STK39: variants seen among roughly 807,000 people sequenced by gnomAD.
STK39 encodes the protein serine/threonine kinase 39.
Under a neutral mutation model 77.8 loss-of-function variants are expected in STK39, and 20 were observed. The observed-to-expected ratio is 0.26, with a 90% CI of 0.18 to 0.37. The LOEUF is 0.37. Among genes scored for constraint, STK39 ranks in the 10% least tolerant of loss-of-function variants. The pLI is 1.00. For synonymous variants in STK39, 246 were observed against 234.1 expected, an observed-to-expected ratio of 1.05 and a Z score of -0.47; for missense variants, 479 against 656.5, an observed-to-expected ratio of 0.73 and a Z score of 2.95.
chr2:168,160,711 G>C (rs1688547433), intron 5 of STK39, among the ~76,000 whole-genome samples: 1 of 152,296 alleles, frequency 6.6e-6, no homozygotes, highest in Non-Finnish European at 1.5e-5. Flanking sequence ...GCTGACACCA[G>C]AGCCTGCACT....
chr2:168,150,644 A>T (rs1688255242), intron 5 of STK39, among the ~76,000 whole-genome samples: 1 of 151,862 alleles, frequency 6.6e-6, no homozygotes, highest in Non-Finnish European at 1.5e-5. Context: ...TGTAAGGGTG[A>T]TATCAGGTTG....
chr2:168,203,736 G>A (rs915850455), intron 1 of STK39, among the ~76,000 whole-genome samples: 1 of 152,226 alleles, frequency 6.6e-6, no homozygotes, highest in East Asian at 1.9e-4. Context: ...GGGACTACAG[G>A]AGCCAGCCAC....
At chr2:168,082,096 A>T (rs563866159) in intron 10 of STK39, among the ~76,000 whole-genome samples, 2 of 152,172 alleles carry the variant, frequency 1.3e-5, no homozygotes. Flanking sequence ...TGCTGTGTGC[A>T]AAGACAATGG....
intron 5 of STK39, among the ~76,000 whole-genome samples, chr2:168,151,034 G>A (rs1335601947): frequency 6.6e-6 from 1 of 152,044 alleles, no homozygotes; most frequent in Non-Finnish European, 1.5e-5. Context: ...TATATGCCAT[G>A]GGCCCCAACC....
intron 14 of STK39, among the ~76,000 whole-genome samples, chr2:168,044,581 A>C (rs999559715): frequency 6.6e-6 from 1 of 152,226 alleles, no homozygotes; most frequent in Non-Finnish European, 1.5e-5. Context: ...AACAGGAAGG[A>C]AAGTATAAAA....
At chr2:168,086,770 G>C (rs1030805857) in intron 10 of STK39, among the ~76,000 whole-genome samples, 5 of 152,122 alleles carry the variant, frequency 3.3e-5, no homozygotes, top group African/African-American at 1.2e-4. Context: ...CTGTAACTTT[G>C]GAAACCCAAC....
chr2:168,009,601 A>C (rs1175659653), intron 16 of STK39, among the ~76,000 whole-genome samples: 2 of 152,198 alleles, frequency 1.3e-5, no homozygotes, highest in Non-Finnish European at 2.9e-5. Context: ...ATAGTGATTA[A>C]AACAACCTGT....
At chr2:168,195,431 C>T (rs1482052052) in intron 1 of STK39, among the ~76,000 whole-genome samples, 1 of 152,024 alleles carries the variant, frequency 6.6e-6, no homozygotes, top group Non-Finnish European at 1.5e-5. Context: ...AGTTACCTAC[C>T]ATTGATTTGC....
chr2:168,187,091 G>A (rs1264632269), intron 1 of STK39, among the ~76,000 whole-genome samples: 3 of 152,124 alleles, frequency 2.0e-5, no homozygotes, highest in East Asian at 1.9e-4. Flanking sequence ...GGTGGCTCAC[G>A]CCTGTAATCC....
At chr2:168,018,564 AAG>A (rs1042770894) in intron 14 of STK39, among the ~76,000 whole-genome samples, 21 of 148,590 alleles carry the variant, frequency 1.4e-4, no homozygotes, top group African/African-American at 5.2e-4. Context: ...GAAAGAAAGA[AAG>A]AAAGAAAGAA....
chr2:168,208,415 G>A (rs1382412288), intron 1 of STK39, among the ~76,000 whole-genome samples: 1 of 152,238 alleles, frequency 6.6e-6, no homozygotes, highest in Non-Finnish European at 1.5e-5. Context: ...CAGTGGCTAC[G>A]ACTATCCTTA....
chr2:168,090,932 A>G (rs1686504082), intron 10 of STK39, among the ~76,000 whole-genome samples: 1 of 152,142 alleles, frequency 6.6e-6, no homozygotes, highest in Non-Finnish European at 1.5e-5. Context: ...ATGGTTCTAA[A>G]CGCCAAATAA....
At chr2:168,148,027 A>G (rs1688187361) in intron 5 of STK39, among the ~76,000 whole-genome samples, 1 of 152,184 alleles carries the variant, frequency 6.6e-6, no homozygotes, top group Admixed American at 6.5e-5. Flanking sequence ...CCTCCAGGGC[A>G]TTTGAGAATA....
At chr2:168,202,115 C>T (rs1689625989) in intron 1 of STK39, among the ~76,000 whole-genome samples, 1 of 152,150 alleles carries the variant, frequency 6.6e-6, no homozygotes, top group South Asian at 2.1e-4. Context: ...ATCTGTGGAC[C>T]ACCTGCATCA....
chr2:168,051,449 C>A (rs1172146171), intron 14 of STK39, among the ~76,000 whole-genome samples: 1 of 152,136 alleles, frequency 6.6e-6, no homozygotes, highest in Non-Finnish European at 1.5e-5. Flanking sequence ...TCTCTTCACG[C>A]CTATCTGTGT....
chr2:168,119,430 G>A (rs1363554576), intron 10 of STK39, among the ~76,000 whole-genome samples: 3 of 152,124 alleles, frequency 2.0e-5, no homozygotes, highest in East Asian at 1.9e-4. Context: ...TTTCTGACAC[G>A]AATTATGTAA....
In STK39 at chr2:168,019,548, T is replaced by C. The variant is rs75888276; in HGVS notation, c.1377-2453A>G. 7.0e-3 allele frequency among the ~76,000 whole-genome samples: 1,061 copies of C among 152,266 alleles called. 8 individuals are homozygous for C. The highest frequency in any genetic ancestry group is 0.011 in the Non-Finnish European group (777 of 68,014). The stretch of plus-strand genomic sequence containing the variant: ...CGCACATAACTTATGCACAAAATTG[T>C]AGGTAACTACAGAGGATTTAGAAAT... On this transcript the variant is annotated intron_variant, in intron 14 of 17. Transcript: ENST00000355999.
In STK39 at chr2:168,044,011, C is replaced by T. The variant is rs191819914; in HGVS notation, c.1376+19489G>A. Among the ~76,000 whole-genome samples the T allele has an allele frequency of 7.9e-5, 12 of 152,292 alleles. No individual in the cohort carries two copies. In the East Asian group the frequency reaches 2.1e-3, roughly 27 times the overall value. On this transcript the variant is annotated intron_variant, in intron 14 of 17. Transcript: ENST00000355999. Reference sequence around the variant, plus strand: ...GAAAGCAACCTCTCAAATAGAACAGCACTTTATCAAAATAATTATTATTCC... The same window carrying T: ...GAAAGCAACCTCTCAAATAGAACAGTACTTTATCAAAATAATTATTATTCC...
intron 14 of STK39, among the ~76,000 whole-genome samples, chr2:168,055,723 G>C (rs927901391): frequency 6.6e-6 from 1 of 152,220 alleles, no homozygotes; most frequent in Non-Finnish European, 1.5e-5. Context: ...TTAAGTGATA[G>C]ATTTACCATT....
Sources: allele counts gnomAD v4.1 joint callset (sites outside exome capture counted in the v4.1 genomes callset), GRCh38; gene constraint gnomAD v4.1.1; transcripts MANE v1.5; gene names NCBI Gene and HGNC (gene_info 2026-07-23, HGNC 2026-07-21).